The following CCDC150 variants were observed in gnomAD, a reference collection of about 807,000 sequenced individuals.
CCDC150 encodes coiled-coil domain containing 150.
Under a neutral mutation model 156.5 loss-of-function variants are expected in CCDC150, and 151 were observed. The observed-to-expected ratio is 0.97, with a 90% CI of 0.85 to 1.10. The LOEUF (loss-of-function observed/expected upper bound fraction) is 1.10, where lower values mean the gene tolerates loss of function less well. CCDC150 is among the 50% of genes least tolerant of loss of function. The probability of loss-of-function intolerance (pLI) is 0.00; values close to 1 mark genes in which losing one functional copy is unlikely to be tolerated. For missense variants in CCDC150, 1,312 were observed against 1,268.1 expected (o/e 1.03, Z -0.53); for synonymous variants, 452 against 429.4 (o/e 1.05, Z -0.65).
intron 7 of CCDC150, chr2:196,667,510 G>T (rs1313562846): frequency 1.3e-5 from 2 of 153,000 alleles, no homozygotes; most frequent in Non-Finnish European, 2.9e-5. Flanking sequence ...CAATGACAGA[G>T]GTCACAGAGT....
intron 13 of CCDC150, 128 bp from the exon 14 acceptor site, chr2:196,694,918 C>T (rs1280555744): frequency 1.9e-6 from 1 of 518,716 alleles, no homozygotes. Context: ...CATATTTCCA[C>T]ATTTAGAGGC....
intron 14 of CCDC150, among the ~76,000 whole-genome samples, chr2:196,699,449 G>A (rs1467031293): frequency 6.6e-6 from 1 of 151,770 alleles, no homozygotes; most frequent in Non-Finnish European, 1.5e-5. Context: ...TTTATCAAGT[G>A]TTGAACGTCA....
At chr2:196,641,112 G>A (rs1265192056) in intron 1 of CCDC150, among the ~76,000 whole-genome samples, 1 of 151,834 alleles carries the variant, frequency 6.6e-6, no homozygotes, top group African/African-American at 2.4e-5. Context: ...ACAGGAGCAC[G>A]CCACCACGCC....
In CCDC150 at chr2:196,726,100, G is replaced by A. The variant is rs1034512259; in HGVS notation, c.2556+1G>A. On this transcript the variant is annotated splice_donor_variant, in intron 22 of 27. Coordinates refer to ENST00000389175, the MANE Select transcript of CCDC150 (RefSeq NM_001080539.2). LOFTEE classifies it high-confidence loss of function. The stretch of plus-strand genomic sequence containing the variant: ...AGTGGCACAACGGGAAGTGGCTGAG[G>A]TATAGTCATGAGAAAAGTTTCTCTT... 3.7e-6 allele frequency: 6 copies of A among 1,612,520 alleles called. No individual in the cohort carries two copies. Among genetic ancestry groups the A allele is most frequent in the African/African-American group, 2.7e-5 (2 of 74,888 alleles).
intron 13 of CCDC150, among the ~76,000 whole-genome samples, chr2:196,691,331 T>C (rs6434878): frequency 0.64 from 97,510 of 152,014 alleles, 32,315 homozygotes; most frequent in East Asian, 0.92. Context: ...TGAATCTGTC[T>C]GATGCTGGCT....
intron 1 of CCDC150, among the ~76,000 whole-genome samples, chr2:196,644,465 C>T (rs867914786): frequency 1.3e-5 from 2 of 152,182 alleles, no homozygotes; most frequent in Middle Eastern, 3.4e-3. Context: ...TGATCCAGCC[C>T]GACGGGCTTA....
intron 15 of CCDC150, among the ~76,000 whole-genome samples, chr2:196,705,661 C>A (rs1053207747): frequency 5.3e-5 from 8 of 152,134 alleles, no homozygotes; most frequent in Admixed American, 2.6e-4. Context: ...CTTAGGTTTT[C>A]TTCTAGGGTT....
rs555612345 is a variant in CCDC150, at chr2:196,713,281, C to T, written c.1866+542C>T. ...CTCCTTCTAGAACACTGTGTTGTTT[C>T]TCCTAGTAAAGGGGCTATTCCTTGA... On this transcript the variant is annotated intron_variant, in intron 17 of 27. Transcript: ENST00000389175. 1.7e-5 allele frequency: 24 copies of T among 1,401,518 alleles called. No homozygotes were observed. In the South Asian group the frequency reaches 3.3e-4, roughly 19 times the overall value. 86.8% of individuals were successfully genotyped at this position (1,401,518 alleles called of 1,614,324 possible). A position where few individuals can be genotyped will look rare whatever the true frequency, so the allele number is the denominator to read the frequency against.
intron 21 of CCDC150, among the ~76,000 whole-genome samples, chr2:196,723,512 A>G (rs1698043203): frequency 6.6e-6 from 1 of 152,160 alleles, no homozygotes; most frequent in South Asian, 2.1e-4. Context: ...AAAAAAATAA[A>G]AAGATAAACG....
At position 196,732,023 on chromosome 2, in the gene CCDC150, A is replaced by G. The variant is rs373415830; in HGVS notation, c.3070-10A>G. ...TTTGTGTCTTTTAATGGTGATATTT[A>G]TATGTTCAGATAACAGCTAATCTGG... On this transcript the variant is annotated splice_polypyrimidine_tract_variant and intron_variant, in intron 26 of 27. Coordinates refer to ENST00000389175, the MANE Select transcript of CCDC150 (RefSeq NM_001080539.2). The G allele has an allele frequency of 3.1e-6, 5 of 1,612,794 alleles. No individual in the cohort carries two copies. The highest frequency in any genetic ancestry group is 2.7e-5 in the African/African-American group (2 of 74,884).
chr2:196,719,505 C>T lies in CCDC150; in HGVS notation c.2004C>T (p.Asn668=). Residue 668 remains asparagine (N), a synonymous_variant, in exon 19 of 28, where the codon AAC becomes AAT. Coordinates refer to ENST00000389175, the MANE Select transcript of CCDC150 (RefSeq NM_001080539.2). ...VEDRENKKVG[N]FQRQLAEAKE... ...GTTTCATTTTCTGTTAGGTGGGAAA[C>T]TTTCAGCGACAATTGGCAGAAGCTA... 6.2e-7 allele frequency: 1 copy of T among 1,609,470 alleles called. No homozygotes were observed. The highest frequency in any genetic ancestry group is 1.1e-5 in the South Asian group (1 of 90,160).
At chr2:196,707,670 C>A (rs1339162756) in intron 15 of CCDC150, among the ~76,000 whole-genome samples, 1 of 152,184 alleles carries the variant, frequency 6.6e-6, no homozygotes, top group Non-Finnish European at 1.5e-5. Flanking sequence ...TCCCTCTACA[C>A]ACTGCTTTAA....
At chr2:196,708,487 GGGC>G (rs1338827252) in intron 15 of CCDC150, among the ~76,000 whole-genome samples, 1 of 151,998 alleles carries the variant, frequency 6.6e-6, no homozygotes, top group Non-Finnish European at 1.5e-5. Context: ...CTTTTAATTG[GGGC>G]ATTTAGTCCA....
chr2:196,659,434 A>G (rs1454903970), intron 5 of CCDC150, among the ~76,000 whole-genome samples: 2 of 152,182 alleles, frequency 1.3e-5, no homozygotes, highest in African/African-American at 2.4e-5. Flanking sequence ...GTTAGTTCAA[A>G]TCTAATGGGT....
intron 7 of CCDC150, among the ~76,000 whole-genome samples, chr2:196,669,196 A>G (rs1694046013): frequency 1.3e-5 from 2 of 152,182 alleles, no homozygotes; most frequent in African/African-American, 2.4e-5. Context: ...CCAACTAAAT[A>G]TCTACATTTG....
At position 196,730,876 on chromosome 2, in the gene CCDC150, C is replaced by T; in HGVS notation, c.3000C>T (p.Val1000=). 6.3e-7 allele frequency: 1 copy of T among 1,597,356 alleles called. No homozygotes were observed. The highest frequency in any genetic ancestry group is 8.5e-7 in the Non-Finnish European group (1 of 1,171,740). ...ENRCQELEET[V]RHLKKCKEAT... is the part of the protein sequence containing the mutation. ...ATTTTCAGGAATTGGAAGAAACTGT[C>T]AGACACCTGAAGAAATGTAAAGAGG... Residue 1000 remains valine (V), a synonymous_variant, in exon 26 of 28, where the codon GTC becomes GTT. Coordinates refer to ENST00000389175, the MANE Select transcript of CCDC150 (RefSeq NM_001080539.2).
In CCDC150 at chr2:196,726,001, G is replaced by A. The variant is rs890489527; in HGVS notation, c.2458G>A (p.Glu820Lys). ...KDRMTEESKV[E>K]AELHAERIEA... is the part of the protein sequence containing the mutation. ...CCGGATGACTGAAGAGTCCAAAGTG[G>A]AAGCAGAATTGCATGCTGAACGCAT... Residue 820 changes from glutamate to lysine, a missense_variant, in exon 22 of 28, where the codon GAA becomes AAA. By Grantham distance (56) the Glu-to-Lys change is moderately conservative (BLOSUM62 1). Coordinates refer to ENST00000389175, the MANE Select transcript of CCDC150 (RefSeq NM_001080539.2). 3 of 1,603,232 alleles carry A rather than the reference G, an allele frequency of 1.9e-6. No individual in the cohort carries two copies. The highest frequency in any genetic ancestry group is 2.6e-6 in the Non-Finnish European group (3 of 1,174,550).
chr2:196,694,999 T>G, intron 13 of CCDC150, 47 bp from the exon 14 acceptor site: 1 of 950,560 alleles, frequency 1.1e-6, no homozygotes, highest in Non-Finnish European at 1.7e-6. Context: ...ATAATACTTT[T>G]TGCATCTGGC....
chr2:196,653,295 G>A (rs1373264533), intron 2 of CCDC150, among the ~76,000 whole-genome samples: 2 of 152,202 alleles, frequency 1.3e-5, no homozygotes, highest in Middle Eastern at 3.4e-3. Context: ...TTCAATATAC[G>A]TTTCAACCTT....
Sources: gnomAD v4.1 joint callset for allele counts (sites outside exome capture counted in the v4.1 genomes callset) on GRCh38, gnomAD v4.1.1 for gene constraint, MANE v1.5 for transcripts, NCBI Gene and HGNC (gene_info 2026-07-23, HGNC 2026-07-21) for gene names.